The following ZNF23 variants were observed in gnomAD, a reference collection of about 807,000 sequenced individuals.
ZNF23 encodes zinc finger protein 23.
ZNF23 carries 48 observed loss-of-function variants against 56.2 expected under a neutral mutation model. The observed-to-expected ratio is 0.85, with a 90% CI of 0.68 to 1.09. The LOEUF (loss-of-function observed/expected upper bound fraction) is 1.09, where lower values mean the gene tolerates loss of function less well. Among genes scored for constraint, ZNF23 ranks in the 50% least tolerant of loss-of-function variants. The pLI is 0.00. For synonymous variants in ZNF23, 266 were observed against 283.3 expected (o/e 0.94, Z 0.61); for missense variants, 805 against 811.4 (o/e 0.99, Z 0.10).
rs775364738 is a variant in ZNF23 at position 71,454,032 on chromosome 16, G to A, written c.160+10C>T. ...GCAGATTCCAGGTTCCCAGGGTAGA[G>A]AGGTCTTACCCAGGGAGGCCACATT... is the stretch of plus-strand genomic sequence containing the variant. On this transcript the variant is annotated intron_variant, in intron 3 of 4. Transcript: ENST00000647773. The A allele has an allele frequency of 6.2e-7, 1 of 1,613,994 alleles. No individual in the cohort carries two copies. Among genetic ancestry groups the A allele is most frequent in the Non-Finnish European group, 8.5e-7 (1 of 1,179,912 alleles).
intron 2 of ZNF23, 57 bp downstream of exon 2, chr16:71,456,707 C>A: frequency 1.0e-6 from 1 of 986,120 alleles, no homozygotes; most frequent in Non-Finnish European, 1.2e-6. Context: ...CTCCCCTTCT[C>A]AATGTTTTTC....
rs376554889 is a variant in ZNF23, at chr16:71,448,884, G to C, written c.1270C>G (p.Gln424Glu). The part of the protein sequence containing the change: ...KGFNNNTKLI[Q>E]HQRIHTGEKP... The stretch of plus-strand genomic sequence containing the variant: ...TCACCTGTGTGGATTCTCTGATGCT[G>C]AATGAGTTTTGTATTATTATTGAAG... The change falls in exon 5 of 5, where the codon CAG (glutamine) becomes GAG (glutamate). Residue 424 changes from glutamine to glutamate, a missense_variant. Physicochemically the swap from Gln to Glu is conservative, Grantham distance 29. Coordinates refer to ENST00000647773, the MANE Select transcript of ZNF23 (RefSeq NM_001381984.1). 1.9e-6 allele frequency: 3 copies of C among 1,613,984 alleles called. No individual in the cohort carries two copies. The East Asian group carries it at 6.7e-5, about 36-fold the overall frequency.
chr16:71,454,165 A>G lies in ZNF23; in HGVS notation c.37T>C (p.Ser13Pro), dbSNP rs1353166761. ...ACAGCCACGTCCTCAAAGGTCACCG[A>G]CTTCTGAAACAATAGGTTCCTGCTG... ...AMHLTAWPQK[S>P]VTFEDVAVYF... The change falls in exon 3 of 5, where the codon TCG becomes CCG. Residue 13 changes from serine (S) to proline (P), a missense_variant. Transcript: ENST00000647773. 6.2e-7 allele frequency: 1 copy of G among 1,612,872 alleles called. No homozygotes were observed. The highest frequency in any genetic ancestry group is 1.7e-5 in the Admixed American group (1 of 59,982).
At chr16:71,456,165 A>G (rs963045462) in intron 2 of ZNF23, 2 of 423,234 alleles carry the variant, frequency 4.7e-6, no homozygotes, top group Non-Finnish European at 9.4e-6. Context: ...TATGTTCTGC[A>G]GGTTCCCCGC....
chr16:71,459,407 ATC>A (rs1483940349), intron 1 of ZNF23, among the ~76,000 whole-genome samples: 3 of 152,222 alleles, frequency 2.0e-5, no homozygotes, highest in African/African-American at 7.2e-5. Context: ...CAGTTCTCCC[ATC>A]TCTGTTTCAC....
At position 71,448,714 on chromosome 16, in the gene ZNF23, C is replaced by G; in HGVS notation, c.1440G>C (p.Gln480His). 1 of 1,614,076 alleles carries G rather than the reference C, an allele frequency of 6.2e-7. No individual in the cohort carries two copies. The highest frequency in any genetic ancestry group is 8.5e-7 in the Non-Finnish European group (1 of 1,180,006). Residue 480 changes from glutamine to histidine, a missense_variant, in exon 5 of 5, where the codon CAG becomes CAC. Gln to His is a conservative substitution (Grantham distance 24, BLOSUM62 0). Coordinates refer to ENST00000647773, the MANE Select transcript of ZNF23 (RefSeq NM_001381984.1). ...KAFRCNSQFR[Q>H]HLRIHTGEKP... ...TCTCCCCAGTGTGAATTCTCAGATGCTGCCGAAATTGGGAGTTACATCTGA... is the reference window on the plus strand; with the variant it reads ...TCTCCCCAGTGTGAATTCTCAGATGGTGCCGAAATTGGGAGTTACATCTGA...
intron 3 of ZNF23, chr16:71,453,568 G>A (rs1039195573): frequency 1.9e-6 from 1 of 526,868 alleles, no homozygotes; most frequent in Non-Finnish European, 3.4e-6. Context: ...GGGGGTTGGG[G>A]GTGAAGGCTT....
chr16:71,453,038 A>G (rs904187242), intron 4 of ZNF23, among the ~76,000 whole-genome samples: 1 of 152,250 alleles, frequency 6.6e-6, no homozygotes, highest in African/African-American at 2.4e-5. Context: ...AAGGGTTTGA[A>G]AAAAGATCTG....
intron 3 of ZNF23, chr16:71,453,577 T>C (rs901980640): frequency 3.9e-6 from 2 of 518,618 alleles, no homozygotes; most frequent in Non-Finnish European, 6.9e-6. Flanking sequence ...GGGTGAAGGC[T>C]TGGGAACGTG....
intron 1 of ZNF23, among the ~76,000 whole-genome samples, chr16:71,460,683 T>G (rs554545864): frequency 1.3e-5 from 2 of 152,198 alleles, no homozygotes; most frequent in African/African-American, 4.8e-5. Context: ...AGTAGGATTA[T>G]CCCACGAAGA....
At chr16:71,454,660 C>T (rs1160734775) in intron 2 of ZNF23, among the ~76,000 whole-genome samples, 2 of 152,136 alleles carry the variant, frequency 1.3e-5, no homozygotes, top group Admixed American at 6.5e-5. Context: ...GACCCCCCAA[C>T]AAGGGGCTGT....
chr16:71,450,033 A>G (rs1345435149), intron 4 of ZNF23, 148 bp from the exon 5 acceptor site: 4 of 561,676 alleles, frequency 7.1e-6, no homozygotes, highest in Non-Finnish European at 1.2e-5. Flanking sequence ...ATAAGGTGGG[A>G]TAAGTAATTT....
chr16:71,460,181 G>C (rs558768015), intron 1 of ZNF23, among the ~76,000 whole-genome samples: 4 of 152,176 alleles, frequency 2.6e-5, no homozygotes, highest in Non-Finnish European at 4.4e-5. Context: ...ACTTAGAGAC[G>C]AGGGGCATCA....
In ZNF23 at chr16:71,449,641, T is replaced by G. The variant is rs760096908; in HGVS notation, c.513A>C (p.Ser171=). ...EECFFSQSSN[S]YQCHTITGEQ... ...CTCCAGTGATGGTATGACACTGATA[T>G]GAGTTTGAACTTTGACTAAAAAAAC... is the stretch of plus-strand genomic sequence containing the variant. The change falls in exon 5 of 5, where the codon TCA becomes TCC. Residue 171 remains serine, a synonymous_variant. Transcript: ENST00000647773. 5 of 1,613,634 alleles carry G rather than the reference T, an allele frequency of 3.1e-6. No homozygotes were observed. The highest frequency in any genetic ancestry group is 1.6e-4 in the Middle Eastern group (1 of 6,084).
intron 4 of ZNF23, chr16:71,450,518 C>T (rs2043019154): frequency 7.0e-6 from 2 of 284,736 alleles, no homozygotes; most frequent in Middle Eastern, 1.2e-3. Flanking sequence ...TGGGAGTTTG[C>T]AACCAGCCTG....
At chr16:71,457,390 C>A (rs539141630) in intron 1 of ZNF23, among the ~76,000 whole-genome samples, 6 of 152,172 alleles carry the variant, frequency 3.9e-5, no homozygotes, top group Admixed American at 1.3e-4. Flanking sequence ...CGGTGAAACC[C>A]CGTCTCTACT....
Position 71,448,096 on chromosome 16 carries a change from G to C in ZNF23, c.2058C>G (p.Ser686=), listed in dbSNP as rs1325697097. 4 of 1,579,708 alleles carry C rather than the reference G, an allele frequency of 2.5e-6. No homozygotes were observed. Among genetic ancestry groups the C allele is most frequent in the African/African-American group, 2.7e-5 (2 of 73,250 alleles). ...GTTTTCTATATCTTTCTCATTATTAGGATTTTCCTTCACTATGGACACTCT... is the reference window on the plus strand; with the variant it reads ...GTTTTCTATATCTTTCTCATTATTACGATTTTCCTTCACTATGGACACTCT... ...QHQSVHSEGK[S] Residue 686 remains serine (S), a synonymous_variant, in exon 5 of 5, where the codon TCC becomes TCG. Transcript: ENST00000647773.
At position 71,454,178 on chromosome 16, in the gene ZNF23, T is replaced by C; in HGVS notation, c.34-10A>G. 1.9e-6 allele frequency: 3 copies of C among 1,611,086 alleles called. No individual in the cohort carries two copies. The highest frequency in any genetic ancestry group is 2.5e-6 in the Non-Finnish European group (3 of 1,178,990). On this transcript the variant is annotated splice_polypyrimidine_tract_variant and intron_variant, in intron 2 of 4. Transcript: ENST00000647773. Reference sequence around the variant, plus strand: ...CAAAGGTCACCGACTTCTGAAACAATAGGTTCCTGCTGCCCTAGGGCCAAT... The same window carrying C: ...CAAAGGTCACCGACTTCTGAAACAACAGGTTCCTGCTGCCCTAGGGCCAAT...
Position 71,449,241 on chromosome 16 carries a change from T to C in ZNF23, c.913A>G (p.Ser305Gly), listed in dbSNP as rs138010388. ...TGCCTACTTAGGCTTCCATTAACAC[T>C]GAAGGCCTTCCCACACATCTTACAC... Reference protein sequence around the residue: ...YQCKMCGKAFSVNGSLSRHQR... With the variant: ...YQCKMCGKAFGVNGSLSRHQR... Residue 305 changes from serine (S) to glycine (G), a missense_variant, in exon 5 of 5, where the codon AGT becomes GGT. Coordinates refer to ENST00000647773, the MANE Select transcript of ZNF23 (RefSeq NM_001381984.1). 179 of 1,614,110 alleles carry C rather than the reference T, an allele frequency of 1.1e-4. No homozygotes were observed. Among genetic ancestry groups the C allele is most frequent in the Non-Finnish European group, 1.4e-4 (167 of 1,180,044 alleles).
Sources: allele counts gnomAD v4.1 joint callset (sites outside exome capture counted in the v4.1 genomes callset), GRCh38; gene constraint gnomAD v4.1.1; transcripts MANE v1.5; gene names NCBI Gene and HGNC (gene_info 2026-07-23, HGNC 2026-07-21).